Variants in CHD9 observed in about 807,000 individuals in gnomAD.
The protein encoded by CHD9 is ATP-dependent chromatin remodeler CHD9.
In CHD9, 77 loss-of-function variants were observed where a neutral mutation model predicts 316.1. The observed-to-expected ratio is 0.24, with a 90% CI of 0.20 to 0.29. CHD9 has a LOEUF of 0.29. CHD9 is among the 10% of genes least tolerant of loss of function. CHD9 has a pLI of 1.00. For missense variants in CHD9, 2,763 were observed against 3,438.1 expected (o/e 0.80, Z 4.91); for synonymous variants, 1,129 against 1,158.3 (o/e 0.97, Z 0.51).
intron 20 of CHD9, among the ~76,000 whole-genome samples, chr16:53,266,795 C>T (rs1415780845): frequency 6.6e-6 from 1 of 152,172 alleles, no homozygotes; most frequent in Non-Finnish European, 1.5e-5. Flanking sequence ...ATGCAATTAA[C>T]TGCCTTGCTT....
At chr16:53,243,102 T>C (rs1213825716) in intron 13 of CHD9, 86 bp downstream of exon 13, 20 of 996,510 alleles carry the variant, frequency 2.0e-5, no homozygotes, top group Non-Finnish European at 4.3e-6. Context: ...AAAATTTTTC[T>C]TTTTAATTTT....
chr16:53,115,805 G>A (rs1360538667), intron 1 of CHD9, among the ~76,000 whole-genome samples: 6 of 152,158 alleles, frequency 3.9e-5, no homozygotes, highest in South Asian at 2.1e-4. Flanking sequence ...ACAGGACTGC[G>A]GTTAAGTGTT....
At chr16:53,253,048 GT>G (rs1279666874) in intron 17 of CHD9, among the ~76,000 whole-genome samples, 1 of 152,064 alleles carries the variant, frequency 6.6e-6, no homozygotes, top group East Asian at 1.9e-4. Flanking sequence ...TCACTACTGG[GT>G]ATCTACTAAA....
At position 53,324,874 on chromosome 16, in the gene CHD9, A is replaced by G. The variant is rs111465902; in HGVS notation, c.8673A>G (p.Ser2891=). ...SDSTSSSSED[S]DSSNED is the part of the protein sequence containing the mutation. ...GTACATCGTCGTCATCTGAGGATTCAGATTCTAGTAATGAAGACTGATTCC... is the reference window on the plus strand; with the variant it reads ...GTACATCGTCGTCATCTGAGGATTCGGATTCTAGTAATGAAGACTGATTCC... The change falls in exon 39 of 39, where the codon TCA becomes TCG. Residue 2891 remains serine, a synonymous_variant. Transcript: ENST00000447540. The G allele has an allele frequency of 1.7e-4, 264 of 1,596,980 alleles. 5 individuals carry two copies. The African/African-American group carries it at 2.3e-3, about 14-fold the overall frequency.
chr16:53,311,942 T>TA (rs2056510068), intron 34 of CHD9: 1 of 152,172 alleles, frequency 6.6e-6, no homozygotes, highest in Non-Finnish European at 1.5e-5. Flanking sequence ...AAGCTATTTT[T>TA]AAAATAGTGT....
chr16:53,138,496 T>C (rs2152700868), intron 1 of CHD9, among the ~76,000 whole-genome samples: 1 of 152,132 alleles, frequency 6.6e-6, no homozygotes, highest in Non-Finnish European at 1.5e-5. Context: ...GGGAAGAAAA[T>C]TCAAGGTATG....
chr16:53,171,863 C>CAG (rs1567418448), intron 2 of CHD9, among the ~76,000 whole-genome samples: 2 of 29,194 alleles, frequency 6.9e-5, no homozygotes, highest in African/African-American at 4.4e-4. Context: ...CACACACAGA[C>CAG]ACACACACAC....
chr16:53,308,882 C>T (rs1295380560), intron 34 of CHD9, 28 bp downstream of exon 34: 1 of 1,557,296 alleles, frequency 6.4e-7, no homozygotes, highest in South Asian at 1.2e-5. Flanking sequence ...AATTGTCTTA[C>T]TATGAAATAT....
At chr16:53,304,677 T>A in intron 31 of CHD9, 52 bp downstream of exon 31, 2 of 1,319,058 alleles carry the variant, frequency 1.5e-6, no homozygotes, top group Non-Finnish European at 9.9e-7. Flanking sequence ...TCTTTTCTTT[T>A]CTTTTCTTTT....
chr16:53,189,782 AT>A (rs941184236), intron 2 of CHD9, among the ~76,000 whole-genome samples: 1 of 152,036 alleles, frequency 6.6e-6, no homozygotes, highest in Non-Finnish European at 1.5e-5. Flanking sequence ...AGACTGTGCA[AT>A]TTTTTCCATG....
At chr16:53,080,716 C>G (rs1035806398) in intron 1 of CHD9, among the ~76,000 whole-genome samples, 12 of 152,168 alleles carry the variant, frequency 7.9e-5, no homozygotes, top group Non-Finnish European at 2.9e-5. Context: ...TTTTTCCAGT[C>G]TGGAAAAATG....
chr16:53,158,408 T>G (rs1013596639), intron 2 of CHD9, among the ~76,000 whole-genome samples: 5 of 152,156 alleles, frequency 3.3e-5, no homozygotes, highest in African/African-American at 1.2e-4. Context: ...AAAATTAAGA[T>G]CACAGTGAAG....
At chr16:53,226,720 TTCTACCTCCTAA>T (rs2047684378) in intron 5 of CHD9, among the ~76,000 whole-genome samples, 1 of 152,208 alleles carries the variant, frequency 6.6e-6, no homozygotes, top group Non-Finnish European at 1.5e-5. Flanking sequence ...TCACTACACT[TTCTACCTCCTAA>T]ATATATGTTC....
At chr16:53,199,401 A>G (rs1190903174) in intron 2 of CHD9, among the ~76,000 whole-genome samples, 9 of 152,180 alleles carry the variant, frequency 5.9e-5, no homozygotes, top group Admixed American at 5.9e-4. Flanking sequence ...ACAAACATGT[A>G]TATATATTTT....
chr16:53,099,784 C>CT (rs1368671611), intron 1 of CHD9, among the ~76,000 whole-genome samples: 1 of 152,202 alleles, frequency 6.6e-6, no homozygotes, highest in African/African-American at 2.4e-5. Context: ...ACAGCAGACT[C>CT]TAAGAGTCCC....
intron 1 of CHD9, among the ~76,000 whole-genome samples, chr16:53,059,857 C>T (rs1365942012): frequency 1.3e-5 from 2 of 152,152 alleles, no homozygotes; most frequent in South Asian, 4.1e-4. Context: ...TACAGTAAGT[C>T]CAAGTAACGT....
At chr16:53,197,406 G>A (rs1028212164) in intron 2 of CHD9, among the ~76,000 whole-genome samples, 1 of 152,128 alleles carries the variant, frequency 6.6e-6, no homozygotes, top group Non-Finnish European at 1.5e-5. Context: ...TGTTTGTGTA[G>A]TCTACCTGGT....
intron 3 of CHD9, among the ~76,000 whole-genome samples, chr16:53,218,795 GT>G (rs1392723443): frequency 6.6e-6 from 1 of 152,136 alleles, no homozygotes; most frequent in East Asian, 1.9e-4. Context: ...ATGGGAGATT[GT>G]TATTTAAACA....
At chr16:53,101,604 G>T (rs906630764) in intron 1 of CHD9, among the ~76,000 whole-genome samples, 8 of 152,168 alleles carry the variant, frequency 5.3e-5, no homozygotes, top group African/African-American at 1.7e-4. Flanking sequence ...AAGGAAGAAG[G>T]AAAGAAATTA....
Sources: gnomAD v4.1 joint callset for allele counts (sites outside exome capture counted in the v4.1 genomes callset) on GRCh38, gnomAD v4.1.1 for gene constraint, MANE v1.5 for transcripts, NCBI Gene and HGNC (gene_info 2026-07-23, HGNC 2026-07-21) for gene names.